Variants in IGDCC3 observed in about 807,000 individuals in gnomAD.
The protein encoded by IGDCC3 is putative neuronal cell adhesion molecule.
In IGDCC3, 47 loss-of-function variants were observed where a neutral mutation model predicts 72.0. The ratio of observed to expected loss-of-function variants is 0.65; its 90% CI spans 0.52 to 0.83. The LOEUF (loss-of-function observed/expected upper bound fraction) is 0.83. Ranked by LOEUF, IGDCC3 falls within the 40% of genes least tolerant of loss-of-function variation. The probability of loss-of-function intolerance (pLI) is 0.00; values close to 1 mark genes in which losing one functional copy is unlikely to be tolerated. For missense variants in IGDCC3, 1,038 were observed against 1,091.3 expected, an observed-to-expected ratio of 0.95 and a Z score of 0.69; for synonymous variants, 477 against 472.8, an observed-to-expected ratio of 1.01 and a Z score of -0.11.
intron 2 of IGDCC3, among the ~76,000 whole-genome samples, chr15:65,343,863 G>A (rs563263562): frequency 1.4e-4 from 21 of 152,320 alleles, no homozygotes; most frequent in South Asian, 4.1e-4. Flanking sequence ...CCCTGAATCC[G>A]GGAGAGGCTG....
In IGDCC3 at chr15:65,375,388, C is replaced by T. The variant is rs1408276549; in HGVS notation, c.118G>A (p.Ala40Thr). The change falls in exon 2 of 14, where the codon GCT becomes ACT. Residue 40 changes from alanine to threonine, a missense_variant. Transcript: ENST00000327987. The part of the protein sequence containing the change: ...PAPSEGLGHS[A>T]ELAFAVEPSD... ...GGCTCCACAGCAAATGCCAGTTCAG[C>T]AGAGTGGCCAAGACCTGCATTGGGG... is the stretch of plus-strand genomic sequence containing the variant. 6.3e-7 allele frequency: 1 copy of T among 1,599,792 alleles called. No homozygotes were observed. The highest frequency in any genetic ancestry group is 1.1e-5 in the South Asian group (1 of 90,410).
In IGDCC3 at chr15:65,375,328, C is replaced by T; in HGVS notation, c.178G>A (p.Val60Met). Reference protein sequence around the residue: ...DDVAVPGQPIVLDCRVEGTPP... With the variant: ...DDVAVPGQPIMLDCRVEGTPP... ...GTCCCCTCCACCCTGCAGTCCAGCA[C>T]TATAGGCTGCCCGGGGACGGCAACA... The change falls in exon 2 of 14, where the codon GTG becomes ATG. Residue 60 changes from valine (V) to methionine (M), a missense_variant. Coordinates refer to ENST00000327987, the MANE Select transcript of IGDCC3 (RefSeq NM_004884.4). 1 of 1,613,220 alleles carries T rather than the reference C, an allele frequency of 6.2e-7. No individual in the cohort carries two copies. The highest frequency in any genetic ancestry group is 8.5e-7 in the Non-Finnish European group (1 of 1,179,258).
intron 2 of IGDCC3, among the ~76,000 whole-genome samples, chr15:65,363,013 C>A (rs1000953230): frequency 6.6e-6 from 1 of 151,896 alleles, no homozygotes; most frequent in African/African-American, 2.4e-5. Context: ...TGCCAAGCCA[C>A]CACACCCGGC....
At position 65,339,222 on chromosome 15, in the gene IGDCC3, C is replaced by T. The variant is rs1262468890; in HGVS notation, c.410-3266G>A. On this transcript the variant is annotated intron_variant, in intron 2 of 13. Coordinates refer to ENST00000327987, the MANE Select transcript of IGDCC3 (RefSeq NM_004884.4). This position sits in a 1 kb window ranked among gnomAD's most constrained non-coding sequence, Gnocchi z 4.1. ...TCAGCCTCCCGAGTAGCTGGTACTACAGATGCACGCCACCATGCCCAGCTA... is the reference window on the plus strand; with the variant it reads ...TCAGCCTCCCGAGTAGCTGGTACTATAGATGCACGCCACCATGCCCAGCTA... Among the ~76,000 whole-genome samples the T allele has an allele frequency of 6.6e-6, 1 of 152,202 alleles. No individual in the cohort carries two copies. The highest frequency in any genetic ancestry group is 2.4e-5 in the African/African-American group (1 of 41,456).
chr15:65,334,009 G>T (rs1381360704), intron 5 of IGDCC3, among the ~76,000 whole-genome samples: 1 of 141,864 alleles, frequency 7.0e-6, no homozygotes, highest in Non-Finnish European at 1.5e-5. Flanking sequence ...ACCAGGATCA[G>T]ATTAGCACAG....
chr15:65,329,481 A>AGCTGGCCCC lies in IGDCC3; in HGVS notation c.2105_2113dup (p.Arg702_Gln704dup). The AGCTGGCCCC allele has an allele frequency of 3.1e-6, 5 of 1,610,522 alleles. No homozygotes were observed. The highest frequency in any genetic ancestry group is 4.5e-5 in the East Asian group (2 of 44,844). ...ATCCACACGTTTCTCGTCTCGGCCC[A>AGCTGGCCCC]GCTGGCCCCGCTGTCCCCGTCTCGC... On this transcript the variant is annotated inframe_insertion, in exon 13 of 14. Transcript: ENST00000327987. This position sits in a 1 kb window ranked among gnomAD's most constrained non-coding sequence, Gnocchi z 4.1.
intron 2 of IGDCC3, among the ~76,000 whole-genome samples, chr15:65,365,547 T>C (rs564000838): frequency 1.3e-5 from 2 of 152,154 alleles, no homozygotes; most frequent in East Asian, 3.9e-4. Context: ...CCAACCAGGG[T>C]TGGGCCCAGG....
chr15:65,330,938 C>T lies in IGDCC3; in HGVS notation c.1561+112G>A. 3.1e-6 allele frequency: 4 copies of T among 1,310,520 alleles called. No individual in the cohort carries two copies. The Middle Eastern group carries it at 6.0e-4, about 195-fold the overall frequency. The allele number at this position is 1,310,520 out of a possible 1,614,324, so 81.2% of individuals were successfully genotyped here. A position where few individuals can be genotyped will look rare whatever the true frequency, so the allele number is the denominator to read the frequency against. On this transcript the variant is annotated intron_variant, in intron 9 of 13. Coordinates refer to ENST00000327987, the MANE Select transcript of IGDCC3 (RefSeq NM_004884.4). ...TCCAAGTAGACTCAGCCCTGACAGCCTCAGGGCCGGGCACCCTGCACAGCG... is the reference window on the plus strand; with the variant it reads ...TCCAAGTAGACTCAGCCCTGACAGCTTCAGGGCCGGGCACCCTGCACAGCG...
intron 2 of IGDCC3, among the ~76,000 whole-genome samples, chr15:65,359,788 A>G (rs1443127241): frequency 6.6e-6 from 1 of 152,178 alleles, no homozygotes; most frequent in African/African-American, 2.4e-5. Context: ...GCAGTCAGAC[A>G]TGGTCACTCT....
intron 2 of IGDCC3, among the ~76,000 whole-genome samples, chr15:65,349,025 T>A (rs1021968463): frequency 2.0e-5 from 3 of 152,168 alleles, no homozygotes; most frequent in African/African-American, 7.2e-5. Flanking sequence ...CCCTGATCAT[T>A]TCACTTTCCC....
chr15:65,329,415 G>A lies in IGDCC3; in HGVS notation c.2180C>T (p.Ala727Val), dbSNP rs2090954840. The part of the protein sequence containing the change: ...LEQLFPPASA[A>V]GQPDPRPTQD... ...TGTGGGTCTGGGGTCCGGCTGCCCT[G>A]CTGCGCTGGCCGGGGGGAACAGCTG... is the stretch of plus-strand genomic sequence containing the variant. The change falls in exon 13 of 14, where the codon GCA becomes GTA. Residue 727 changes from alanine to valine, a missense_variant. Transcript: ENST00000327987. This position sits in a 1 kb window ranked among gnomAD's most constrained non-coding sequence, Gnocchi z 4.1. 3 of 1,596,538 alleles carry A rather than the reference G, an allele frequency of 1.9e-6. No individual in the cohort carries two copies. In the East Asian group the frequency reaches 6.7e-5, roughly 36 times the overall value.
intron 2 of IGDCC3, among the ~76,000 whole-genome samples, chr15:65,372,725 T>G (rs2091334470): frequency 6.6e-6 from 1 of 152,058 alleles, no homozygotes; most frequent in African/African-American, 2.4e-5. Flanking sequence ...TCACACCTTT[T>G]CAGAAAGGCA....
intron 2 of IGDCC3, among the ~76,000 whole-genome samples, chr15:65,357,924 A>G (rs2091235907): frequency 6.6e-6 from 1 of 152,086 alleles, no homozygotes; most frequent in Non-Finnish European, 1.5e-5. Context: ...AAACAAAACA[A>G]AAAGATAAAA....
intron 2 of IGDCC3, among the ~76,000 whole-genome samples, chr15:65,346,690 C>T (rs894107538): frequency 6.6e-6 from 1 of 152,066 alleles, no homozygotes; most frequent in African/African-American, 2.4e-5. Flanking sequence ...AACTCCTGAC[C>T]TCAGGTGATC....
intron 2 of IGDCC3, among the ~76,000 whole-genome samples, chr15:65,369,337 G>A (rs1471990180): frequency 2.6e-5 from 4 of 152,176 alleles, no homozygotes; most frequent in Non-Finnish European, 4.4e-5. Flanking sequence ...CCCAGAGAGG[G>A]TGGGCAACTT....
chr15:65,372,973 C>T (rs1300851836), intron 2 of IGDCC3, among the ~76,000 whole-genome samples: 2 of 152,186 alleles, frequency 1.3e-5, no homozygotes, highest in African/African-American at 2.4e-5. Context: ...AGGCAAACCC[C>T]CCAGCTGTCT....
chr15:65,348,448 G>C (rs1483836598), intron 2 of IGDCC3, among the ~76,000 whole-genome samples: 1 of 152,112 alleles, frequency 6.6e-6, no homozygotes, highest in East Asian at 1.9e-4. Flanking sequence ...GTAAGTGTTG[G>C]GGTCCTGTAA....
Position 65,328,644 on chromosome 15 carries a change from C to G in IGDCC3, c.*265G>C, listed in dbSNP as rs1195902017. On this transcript the variant is annotated 3_prime_UTR_variant, in exon 14 of 14. Coordinates refer to ENST00000327987, the MANE Select transcript of IGDCC3 (RefSeq NM_004884.4). Reference sequence around the variant, plus strand: ...GAAAAATGTTAGTTCAGTTCCAAGTCATGTGGGTACCAGGCAGAGGCAAGG... The same window carrying G: ...GAAAAATGTTAGTTCAGTTCCAAGTGATGTGGGTACCAGGCAGAGGCAAGG... 1 of 373,084 alleles carries G rather than the reference C, an allele frequency of 2.7e-6. No homozygotes were observed. Among genetic ancestry groups the G allele is most frequent in the East Asian group, 3.9e-5 (1 of 25,954 alleles). The allele number at this position is 373,084 out of a possible 1,614,324, so 23.1% of individuals were successfully genotyped here.
chr15:65,329,832 C>G lies in IGDCC3; in HGVS notation c.1891G>C (p.Glu631Gln). The G allele has an allele frequency of 6.2e-7, 1 of 1,614,106 alleles. No individual in the cohort carries two copies. The highest frequency in any genetic ancestry group is 8.5e-7 in the Non-Finnish European group (1 of 1,180,028). ...GTGGTGGACGTCTGGTTGGCGGCCTCCTCCTTCCGGCAGTCACATGGTGGG... is the reference window on the plus strand; with the variant it reads ...GTGGTGGACGTCTGGTTGGCGGCCTGCTCCTTCCGGCAGTCACATGGTGGG... ...LSPPCDCRKEEAANQTSTTGI... is the reference protein window; with the variant it reads ...LSPPCDCRKEQAANQTSTTGI... The change falls in exon 12 of 14, where the codon GAG becomes CAG. Residue 631 changes from glutamate (E) to glutamine (Q), a missense_variant. Physicochemically the swap from Glu to Gln is conservative, Grantham distance 29 (BLOSUM62 2). Coordinates refer to ENST00000327987, the MANE Select transcript of IGDCC3 (RefSeq NM_004884.4). The surrounding 1 kb of genome is among the most constrained non-coding windows in gnomAD (Gnocchi z 4.1).
Sources: gnomAD v4.1 joint callset for allele counts (sites outside exome capture counted in the v4.1 genomes callset) on GRCh38, gnomAD v4.1.1 for gene constraint, Gnocchi (gnomAD v3.1) non-coding constraint, MANE v1.5 for transcripts, NCBI Gene and HGNC (gene_info 2026-07-23, HGNC 2026-07-21) for gene names.